The following TANC2 variants were observed in gnomAD, a reference collection of about 807,000 sequenced individuals.
The protein encoded by TANC2 is tetratricopeptide repeat, ankyrin repeat and coiled-coil containing 2.
Under a neutral mutation model 210.5 loss-of-function variants are expected in TANC2, and 26 were observed. That is an observed-to-expected ratio of 0.12 (90% confidence interval 0.09 to 0.17). The LOEUF is 0.17. Among genes scored for constraint, TANC2 ranks in the 10% least tolerant of loss-of-function variants. The pLI is 1.00. For synonymous variants in TANC2, 931 were observed against 967.1 expected, an observed-to-expected ratio of 0.96 and a Z score of 0.69; for missense variants, 2,129 against 2,608.9, an observed-to-expected ratio of 0.82 and a Z score of 4.01.
intron 7 of TANC2, among the ~76,000 whole-genome samples, chr17:63,201,653 T>C (rs1265137253): frequency 2.0e-5 from 3 of 150,774 alleles, no homozygotes; most frequent in Non-Finnish European, 4.4e-5. Flanking sequence ...AAGATCCTAG[T>C]TGACTACTTA....
At chr17:63,255,822 T>G (rs2043177270) in intron 8 of TANC2, among the ~76,000 whole-genome samples, 1 of 152,000 alleles carries the variant, frequency 6.6e-6, no homozygotes, top group Admixed American at 6.5e-5. Flanking sequence ...TCTTTATTTC[T>G]TTCCTTCTAC....
chr17:63,307,020 C>G (rs1598819602), intron 9 of TANC2, among the ~76,000 whole-genome samples: 2 of 152,098 alleles, frequency 1.3e-5, no homozygotes, highest in African/African-American at 4.8e-5. Flanking sequence ...AACATAGTAG[C>G]ATTTACGCTG....
At chr17:63,076,242 A>C (rs2036568232) in intron 3 of TANC2, among the ~76,000 whole-genome samples, 1 of 152,134 alleles carries the variant, frequency 6.6e-6, no homozygotes, top group Non-Finnish European at 1.5e-5. Context: ...GAGTGGGGAA[A>C]ACCAGAAACA....
intron 5 of TANC2, 167 bp from the exon 6 acceptor site, chr17:63,193,824 C>T (rs932381007): frequency 2.0e-5 from 12 of 611,412 alleles, no homozygotes; most frequent in Non-Finnish European, 2.9e-5. Context: ...TACTTGGAAG[C>T]GAATTTATAT....
rs74387750 is a variant in TANC2 at position 63,160,371 on chromosome 17, C to T, written c.433+8991C>T. ...TCTTGGCAACATAGTGAGACCCCAT[C>T]GCTACACAAAATTAAAAAATAGTTT... On this transcript the variant is annotated intron_variant, in intron 5 of 27. Transcript: ENST00000689528. Among the ~76,000 whole-genome samples the T allele has an allele frequency of 6.8e-4, 104 of 152,180 alleles. 7 individuals carry two copies. In the East Asian group the frequency reaches 0.01, roughly 15 times the overall value.
At chr17:63,062,606 T>C (rs914204179) in intron 2 of TANC2, among the ~76,000 whole-genome samples, 5 of 152,178 alleles carry the variant, frequency 3.3e-5, no homozygotes, top group African/African-American at 1.2e-4. Flanking sequence ...TGCATTCTAG[T>C]GATTGCCAGT....
chr17:63,340,030 A>C, intron 11 of TANC2, 71 bp from the exon 12 acceptor site: 2 of 1,128,284 alleles, frequency 1.8e-6, no homozygotes, highest in Non-Finnish European at 1.3e-6. Flanking sequence ...ATAATCACTC[A>C]ATAGCTGATA....
At chr17:63,138,081 A>T (rs531690955) in intron 4 of TANC2, among the ~76,000 whole-genome samples, 1 of 152,126 alleles carries the variant, frequency 6.6e-6, no homozygotes, top group African/African-American at 2.4e-5. Context: ...ATTGGAAACA[A>T]TGTGTTCCAG....
intron 5 of TANC2, 104 bp downstream of exon 5, chr17:63,151,484 C>A: frequency 2.3e-6 from 1 of 437,262 alleles, no homozygotes; most frequent in South Asian, 9.5e-5. Flanking sequence ...AAACATGTTA[C>A]CTCTTTTGCA....
chr17:63,055,817 C>T (rs2035753103), intron 2 of TANC2, among the ~76,000 whole-genome samples: 1 of 149,548 alleles, frequency 6.7e-6, no homozygotes, highest in Non-Finnish European at 1.5e-5. Flanking sequence ...TAATGGATTC[C>T]TAGATTCTAT....
chr17:63,061,592 C>T lies in TANC2; in HGVS notation c.68-12351C>T, dbSNP rs185251077. On this transcript the variant is annotated intron_variant, in intron 2 of 27. Coordinates refer to ENST00000689528, the Ensembl canonical transcript of TANC2. ...ATATATGTCTATGTATGCATATATGCATATTAACATAAATACATATATAAC... is the reference window on the plus strand; with the variant it reads ...ATATATGTCTATGTATGCATATATGTATATTAACATAAATACATATATAAC... Among the ~76,000 whole-genome samples, 432 of 151,932 alleles carry T rather than the reference C, an allele frequency of 2.8e-3. 1 individual carries two copies. The highest frequency in any genetic ancestry group is 0.01 in the African/African-American group (418 of 41,438).
intron 7 of TANC2, among the ~76,000 whole-genome samples, chr17:63,221,617 A>G (rs1339962274): frequency 2.0e-5 from 3 of 152,192 alleles, no homozygotes; most frequent in Admixed American, 6.5e-5. Flanking sequence ...ATTTGAACAG[A>G]TACTTCACAG....
chr17:63,150,754 G>A (rs553116037), intron 4 of TANC2: 1 of 152,254 alleles, frequency 6.6e-6, no homozygotes, highest in South Asian at 2.1e-4. Flanking sequence ...TGTTTATCAT[G>A]ACCAAGTATT....
At chr17:63,066,746 T>C (rs1049686715) in intron 2 of TANC2, among the ~76,000 whole-genome samples, 2 of 144,646 alleles carry the variant, frequency 1.4e-5, no homozygotes, top group Admixed American at 1.4e-4. Flanking sequence ...TAATGAAAGC[T>C]TTTTTTTTTT....
At position 63,238,168 on chromosome 17, in the gene TANC2, C is replaced by A. The variant is rs537628863; in HGVS notation, c.1033+91C>A. ...GAAATGAAAATAAATCCTGCTCTGA[C>A]AGTATTTAAATTTTCCATTCATCTT... is the stretch of plus-strand genomic sequence containing the variant. On this transcript the variant is annotated intron_variant, in intron 8 of 27. Transcript: ENST00000689528. The A allele has an allele frequency of 2.2e-5, 30 of 1,393,510 alleles. No individual in the cohort carries two copies. The Admixed American group carries it at 3.4e-4, about 16-fold the overall frequency. The allele number at this position is 1,393,510 out of a possible 1,614,324, so 86.3% of individuals were successfully genotyped here.
intron 11 of TANC2, among the ~76,000 whole-genome samples, chr17:63,338,192 A>G (rs2046100839): frequency 6.6e-6 from 1 of 152,188 alleles, no homozygotes; most frequent in South Asian, 2.1e-4. Context: ...AGGAATCGCT[A>G]CACTTTTCAA....
intron 8 of TANC2, among the ~76,000 whole-genome samples, chr17:63,248,300 A>G (rs2042969544): frequency 6.6e-6 from 1 of 151,922 alleles, no homozygotes; most frequent in Non-Finnish European, 1.5e-5. Flanking sequence ...TTCAAATATG[A>G]AGTGAGCTTG....
intron 7 of TANC2, among the ~76,000 whole-genome samples, chr17:63,203,241 C>T (rs981346022): frequency 3.9e-5 from 6 of 152,132 alleles, no homozygotes; most frequent in South Asian, 4.2e-4. Context: ...CTCTTAAAAC[C>T]GTAAGTTTTT....
In TANC2 at chr17:63,267,745, C is replaced by T. The variant is rs576990196; in HGVS notation, c.1034-3C>T. On this transcript the variant is annotated splice_polypyrimidine_tract_variant and splice_region_variant and intron_variant, in intron 8 of 27. Transcript: ENST00000689528. ...TTCTAACTAAACTTTTCTTTCTTGTCAGCCACCAGCTCTGCCCACTTGGAA... is the reference window on the plus strand; with the variant it reads ...TTCTAACTAAACTTTTCTTTCTTGTTAGCCACCAGCTCTGCCCACTTGGAA... 7 of 1,610,006 alleles carry T rather than the reference C, an allele frequency of 4.3e-6. No homozygotes were observed. The highest frequency in any genetic ancestry group is 4.0e-5 in the African/African-American group (3 of 74,830).
Sources: allele counts gnomAD v4.1 joint callset (sites outside exome capture counted in the v4.1 genomes callset), GRCh38; gene constraint gnomAD v4.1.1; transcripts MANE v1.5; gene names NCBI Gene and HGNC (gene_info 2026-07-23, HGNC 2026-07-21).